The following ARMH3 variants were observed in gnomAD, a reference collection of about 807,000 sequenced individuals.
ARMH3 encodes the protein armadillo like helical domain containing 3.
Under a neutral mutation model 99.1 loss-of-function variants are expected in ARMH3, and 60 were observed. The observed-to-expected ratio is 0.61, with a 90% CI of 0.49 to 0.75. The LOEUF is 0.75. Among genes scored for constraint, ARMH3 ranks in the 30% least tolerant of loss-of-function variants. The pLI is 0.00. For synonymous variants in ARMH3, 285 were observed against 292.8 expected (o/e 0.97, Z 0.27); for missense variants, 679 against 843.1 (o/e 0.81, Z 2.41).
At chr10:101,898,596 C>G (rs952002064) in intron 23 of ARMH3, among the ~76,000 whole-genome samples, 1 of 152,164 alleles carries the variant, frequency 6.6e-6, no homozygotes, top group Non-Finnish European at 1.5e-5. Flanking sequence ...ATCTTTCAGG[C>G]AGAACAGGGA....
At chr10:102,046,110 T>C (rs979957071) in intron 1 of ARMH3, among the ~76,000 whole-genome samples, 1 of 151,438 alleles carries the variant, frequency 6.6e-6, no homozygotes, top group Non-Finnish European at 1.5e-5. Context: ...AAAATAAAAA[T>C]AAAATAACAA....
intron 23 of ARMH3, among the ~76,000 whole-genome samples, chr10:101,930,322 A>C (rs984839242): frequency 3.9e-5 from 6 of 152,124 alleles, no homozygotes; most frequent in African/African-American, 1.4e-4. Flanking sequence ...CTTCAACCTG[A>C]TAAAGAGTAT....
At position 102,023,835 on chromosome 10, in the gene ARMH3, C is replaced by A. The variant is rs1330637453; in HGVS notation, c.508-86G>T. ...CTCCTCCCCTAACATCTAAGAGAAA[C>A]AAAAATATTAAAATATTTCTACTAG... is the stretch of plus-strand genomic sequence containing the variant. On this transcript the variant is annotated intron_variant, in intron 6 of 25. Transcript: ENST00000370033. 4.0e-6 allele frequency: 5 copies of A among 1,255,932 alleles called. No homozygotes were observed. In the African/African-American group the frequency reaches 7.5e-5, roughly 19 times the overall value. The allele number at this position is 1,255,932 out of a possible 1,614,324, so 77.8% of individuals were successfully genotyped here.
intron 19 of ARMH3, among the ~76,000 whole-genome samples, chr10:101,987,654 T>C (rs1846573046): frequency 6.6e-6 from 1 of 152,198 alleles, no homozygotes; most frequent in Non-Finnish European, 1.5e-5. Flanking sequence ...AGGTTATACA[T>C]GATACTATGG....
intron 20 of ARMH3, among the ~76,000 whole-genome samples, chr10:101,961,732 C>T (rs1235243116): frequency 6.6e-6 from 1 of 152,198 alleles, no homozygotes; most frequent in East Asian, 1.9e-4. Context: ...CACTTGTCCA[C>T]TTGATGTCAT....
chr10:102,055,028 C>CAA (rs149001297), intron 1 of ARMH3, among the ~76,000 whole-genome samples: 17 of 126,698 alleles, frequency 1.3e-4, no homozygotes, highest in South Asian at 2.4e-4. Flanking sequence ...AACAAACAAA[C>CAA]AAAAAAAAAA....
chr10:101,963,587 T>C (rs1305422111), intron 20 of ARMH3, among the ~76,000 whole-genome samples: 1 of 152,086 alleles, frequency 6.6e-6, no homozygotes, highest in African/African-American at 2.4e-5. Flanking sequence ...CTTATTTGTT[T>C]TTATTTTTTA....
At chr10:101,953,411 C>A (rs970356638) in intron 22 of ARMH3, among the ~76,000 whole-genome samples, 1 of 152,160 alleles carries the variant, frequency 6.6e-6, no homozygotes, top group Non-Finnish European at 1.5e-5. Flanking sequence ...CAGGTGTGTG[C>A]CATCATGCCT....
chr10:102,022,051 T>C (rs867309629), intron 8 of ARMH3, among the ~76,000 whole-genome samples: 7 of 152,126 alleles, frequency 4.6e-5, no homozygotes, highest in Non-Finnish European at 1.0e-4. Flanking sequence ...GTATTCAATA[T>C]AGTCATACAC....
rs147232809 is a variant in ARMH3 at position 101,848,305 on chromosome 10, C to T, written c.1978-685G>A. 1.8e-4 allele frequency among the ~76,000 whole-genome samples: 27 copies of T among 152,220 alleles called. No homozygotes were observed. The East Asian group carries it at 4.4e-3, about 25-fold the overall frequency. ...CTTGCTGTGTGCCCACTGCTCACCT[C>T]ACATACTCTCTACCCACAGAACCCT... is the stretch of plus-strand genomic sequence containing the variant. On this transcript the variant is annotated intron_variant, in intron 25 of 25. Transcript: ENST00000370033.
intron 23 of ARMH3, among the ~76,000 whole-genome samples, chr10:101,936,112 G>A (rs1843958237): frequency 6.6e-6 from 1 of 152,104 alleles, no homozygotes; most frequent in South Asian, 2.1e-4. Flanking sequence ...AAACTCCCTG[G>A]ACTGCCCTCA....
intron 19 of ARMH3, among the ~76,000 whole-genome samples, chr10:101,977,626 T>C (rs918526461): frequency 5.9e-5 from 9 of 152,250 alleles, no homozygotes; most frequent in East Asian, 3.8e-4. Context: ...TGTAATATTA[T>C]TAAAAGGCAG....
At chr10:101,934,398 G>A (rs141702850) in intron 23 of ARMH3, among the ~76,000 whole-genome samples, 1 of 152,232 alleles carries the variant, frequency 6.6e-6, no homozygotes, top group East Asian at 1.9e-4. Context: ...AACTCCCTAG[G>A]TGAATAATTA....
chr10:101,930,813 C>T (rs11191150), intron 23 of ARMH3, among the ~76,000 whole-genome samples: 30,054 of 152,074 alleles, frequency 0.2, 3,361 homozygotes, highest in East Asian at 0.52. Flanking sequence ...CTTGCACAAT[C>T]AGGACAACAA....
chr10:101,874,026 T>C (rs1253550467), intron 24 of ARMH3, among the ~76,000 whole-genome samples: 1 of 152,178 alleles, frequency 6.6e-6, no homozygotes, highest in African/African-American at 2.4e-5. Flanking sequence ...TGTATATGAA[T>C]CTCAGAAAGA....
chr10:102,002,661 A>T (rs1298795439), intron 14 of ARMH3, among the ~76,000 whole-genome samples: 2 of 151,980 alleles, frequency 1.3e-5, no homozygotes, highest in African/African-American at 2.4e-5. Context: ...GTAATAGTAG[A>T]CTGAAAACAG....
At chr10:101,983,897 T>C (rs1013920403) in intron 19 of ARMH3, among the ~76,000 whole-genome samples, 1 of 152,202 alleles carries the variant, frequency 6.6e-6, no homozygotes, top group Non-Finnish European at 1.5e-5. Flanking sequence ...AACCCCAATT[T>C]ATAGCCGGTC....
intron 19 of ARMH3, among the ~76,000 whole-genome samples, chr10:101,988,560 C>T (rs1490240241): frequency 2.0e-5 from 3 of 152,146 alleles, no homozygotes; most frequent in African/African-American, 7.2e-5. Context: ...AACCTACTTA[C>T]CTAAAAGTAA....
chr10:102,047,096 C>CT (rs2067573302), intron 1 of ARMH3, among the ~76,000 whole-genome samples: 1 of 152,202 alleles, frequency 6.6e-6, no homozygotes, highest in African/African-American at 2.4e-5. Flanking sequence ...GGAGAAGAAT[C>CT]TGAGTGTCTA....
Sources: gnomAD v4.1 joint callset for allele counts (sites outside exome capture counted in the v4.1 genomes callset) on GRCh38, gnomAD v4.1.1 for gene constraint, MANE v1.5 for transcripts, NCBI Gene and HGNC (gene_info 2026-07-23, HGNC 2026-07-21) for gene names.